The following MYO3A variants were observed in gnomAD, a reference collection of about 807,000 sequenced individuals.
MYO3A encodes myosin IIIA, also known as myosin-IIIa.
In MYO3A, 180 loss-of-function variants were observed where a neutral mutation model predicts 192.7. The observed-to-expected ratio is 0.93, with a 90% confidence interval of 0.83 to 1.06. The LOEUF (loss-of-function observed/expected upper bound fraction) is 1.06. Among genes scored for constraint, MYO3A ranks in the 50% least tolerant of loss-of-function variants. The pLI, the probability that MYO3A is intolerant of heterozygous loss-of-function variation, is 0.00. For synonymous variants in MYO3A, 628 were observed against 645.3 expected (o/e 0.97, Z 0.41); for missense variants, 1,896 against 1,905.0 (o/e 1.00, Z 0.09).
rs1028104901 is a variant in MYO3A, at chr10:26,056,282, T to G, written c.954-10693T>G. Among the ~76,000 whole-genome samples, 60 of 151,268 alleles carry G rather than the reference T, an allele frequency of 4.0e-4. 3 individuals carry two copies. The highest frequency in any genetic ancestry group is 1.5e-5 in the Non-Finnish European group (1 of 67,796). ...GATATATCAATAGAAATGTCTGAAA[T>G]GGAAAGGCAATGAGAAAAAAGATTG... is the stretch of plus-strand genomic sequence containing the variant. On this transcript the variant is annotated intron_variant, in intron 10 of 34. Coordinates refer to ENST00000642920, the MANE Select transcript of MYO3A (RefSeq NM_017433.5).
chr10:26,168,995 C>G, intron 28 of MYO3A, 121 bp downstream of exon 28: 1 of 926,118 alleles, frequency 1.1e-6, no homozygotes, highest in African/African-American at 1.7e-5. Flanking sequence ...TGCCTTGATA[C>G]TTTTGCTATA....
intron 14 of MYO3A, among the ~76,000 whole-genome samples, chr10:26,080,523 C>T (rs1164207590): frequency 7.4e-6 from 1 of 135,010 alleles, no homozygotes; most frequent in Non-Finnish European, 1.5e-5. Context: ...AATTCTTTCT[C>T]AGGTAAATCT....
At chr10:26,054,072 A>G (rs1389643284) in intron 10 of MYO3A, among the ~76,000 whole-genome samples, 2 of 152,098 alleles carry the variant, frequency 1.3e-5, no homozygotes, top group Admixed American at 6.5e-5. Context: ...TTGGGGACAC[A>G]CTGTTAGGAG....
rs373896801 is a variant in MYO3A, at chr10:26,008,483, G to A, written c.509-8337G>A. ...GGGAGAAAATTTTCGCAACCTACTCGTCTGACAAAGGGCTAATATCCAGAA... is the reference window on the plus strand; with the variant it reads ...GGGAGAAAATTTTCGCAACCTACTCATCTGACAAAGGGCTAATATCCAGAA... On this transcript the variant is annotated intron_variant, in intron 6 of 34. Coordinates refer to ENST00000642920, the MANE Select transcript of MYO3A (RefSeq NM_017433.5). Among the ~76,000 whole-genome samples the A allele has an allele frequency of 2.9e-4, 42 of 146,550 alleles. 1 individual carries two copies. The highest frequency in any genetic ancestry group is 7.7e-4 in the East Asian group (4 of 5,174).
chr10:26,115,125 T>G (rs1391539862), intron 17 of MYO3A, among the ~76,000 whole-genome samples: 1 of 152,038 alleles, frequency 6.6e-6, no homozygotes, highest in Admixed American at 6.6e-5. Context: ...AAGCTGGAGG[T>G]TTATTGCTAG....
chr10:26,095,370 G>A (rs1337654577), intron 15 of MYO3A, among the ~76,000 whole-genome samples: 1 of 152,186 alleles, frequency 6.6e-6, no homozygotes. Context: ...GTGAAGTGAA[G>A]ATTGAGGACC....
intron 19 of MYO3A, among the ~76,000 whole-genome samples, chr10:26,127,756 TAAA>T (rs35280151): frequency 2.1e-5 from 3 of 144,030 alleles, no homozygotes; most frequent in Non-Finnish European, 1.5e-5. Context: ...TGACCAATAG[TAAA>T]AAAAAAAAAA....
In MYO3A at chr10:26,153,888, T is replaced by C. The variant is rs1840945661; in HGVS notation, c.2674T>C (p.Tyr892His). The C allele has an allele frequency of 1.9e-6, 3 of 1,595,902 alleles. No homozygotes were observed. Among genetic ancestry groups the C allele is most frequent in the Non-Finnish European group, 2.6e-6 (3 of 1,163,758 alleles). The change falls in exon 24 of 35, where the codon TAT (tyrosine) becomes CAT (histidine). Residue 892 changes from tyrosine to histidine, a missense_variant. Coordinates refer to ENST00000642920, the MANE Select transcript of MYO3A (RefSeq NM_017433.5). ...TTCTAAAACTAAAAATGTTATAAAC[T>C]ATCAAATGAGGACTTCAGAAAAATT... is the stretch of plus-strand genomic sequence containing the variant. Reference protein sequence around the residue: ...PHSKTKNVINYQMRTSEKLIN... With the variant: ...PHSKTKNVINHQMRTSEKLIN...
At chr10:26,137,332 C>T (rs186474040) in intron 20 of MYO3A, among the ~76,000 whole-genome samples, 10 of 152,234 alleles carry the variant, frequency 6.6e-5, no homozygotes, top group South Asian at 4.2e-4. Context: ...GCTGGAGCTG[C>T]GGCAGAGGAA....
chr10:26,081,970 G>T (rs1300602713), intron 14 of MYO3A, among the ~76,000 whole-genome samples: 1 of 152,158 alleles, frequency 6.6e-6, no homozygotes, highest in African/African-American at 2.4e-5. Flanking sequence ...GGATCTATGG[G>T]TCCTCTTGAG....
At chr10:26,035,583 A>C (rs564823889) in intron 10 of MYO3A, among the ~76,000 whole-genome samples, 33 of 152,294 alleles carry the variant, frequency 2.2e-4, no homozygotes, top group African/African-American at 7.7e-4. Context: ...ACAATCATAG[A>C]TTATTTTTGC....
intron 34 of MYO3A, among the ~76,000 whole-genome samples, chr10:26,209,204 T>A (rs1274003899): frequency 1.3e-5 from 2 of 152,164 alleles, no homozygotes; most frequent in African/African-American, 4.8e-5. Flanking sequence ...TCCACCCTCC[T>A]AGCTAAAGTG....
chr10:26,166,368 T>G, intron 27 of MYO3A, 190 bp downstream of exon 27: 2 of 622,966 alleles, frequency 3.2e-6, no homozygotes, highest in Non-Finnish European at 5.6e-6. Context: ...TTGCTCTTCA[T>G]AAAGATTTCT....
At chr10:26,074,043 A>G (rs567727176) in intron 14 of MYO3A, among the ~76,000 whole-genome samples, 2 of 152,336 alleles carry the variant, frequency 1.3e-5, no homozygotes, top group South Asian at 4.1e-4. Context: ...TAAAGATCTT[A>G]AAGTAAGATA....
intron 10 of MYO3A, among the ~76,000 whole-genome samples, chr10:26,040,183 T>G (rs1429262004): frequency 2.0e-5 from 3 of 152,090 alleles, no homozygotes; most frequent in Non-Finnish European, 4.4e-5. Context: ...GTTTTTTTTT[T>G]TAAGTACAGC....
chr10:26,056,504 A>G (rs536728196), intron 10 of MYO3A, among the ~76,000 whole-genome samples: 1 of 152,350 alleles, frequency 6.6e-6, no homozygotes, highest in South Asian at 2.1e-4. Context: ...TAAATATTTT[A>G]AAAAGATACC....
chr10:26,035,458 G>A (rs1842981038), intron 10 of MYO3A, among the ~76,000 whole-genome samples: 1 of 152,180 alleles, frequency 6.6e-6, no homozygotes, highest in South Asian at 2.1e-4. Flanking sequence ...AAGTTACATT[G>A]TTGCTTCAAA....
chr10:26,159,785 T>C (rs1206631978), intron 26 of MYO3A, among the ~76,000 whole-genome samples: 1 of 152,196 alleles, frequency 6.6e-6, no homozygotes, highest in East Asian at 1.9e-4. Context: ...CATAAACATA[T>C]GACTTTTGTG....
chr10:26,202,526 T>A (rs542984470), intron 33 of MYO3A, among the ~76,000 whole-genome samples: 3 of 152,298 alleles, frequency 2.0e-5, no homozygotes, highest in African/African-American at 7.2e-5. Context: ...ATGAAGGAGG[T>A]AAGTTAAGAT....
Sources: gnomAD v4.1 joint callset for allele counts (sites outside exome capture counted in the v4.1 genomes callset) on GRCh38, gnomAD v4.1.1 for gene constraint, MANE v1.5 for transcripts, NCBI Gene and HGNC (gene_info 2026-07-23, HGNC 2026-07-21) for gene names.